EOGT: variants seen among roughly 807,000 people sequenced by gnomAD.
The protein encoded by EOGT is EGF domain specific O-linked N-acetylglucosamine transferase.
Under a neutral mutation model 70.5 loss-of-function variants are expected in EOGT, and 55 were observed. The observed-to-expected ratio is 0.78, with a 90% CI of 0.63 to 0.98. The LOEUF (loss-of-function observed/expected upper bound fraction) is 0.98, where lower values mean the gene tolerates loss of function less well. Among genes scored for constraint, EOGT ranks in the 50% least tolerant of loss-of-function variants. The probability of loss-of-function intolerance (pLI) is 0.00; values close to 1 mark genes in which losing one functional copy is unlikely to be tolerated. For missense variants in EOGT, 703 were observed against 641.9 expected (o/e 1.10, Z -1.03); for synonymous variants, 246 against 217.1 (o/e 1.13, Z -1.17).
At chr3:68,990,901 GA>G (rs10576244) in intron 10 of EOGT, among the ~76,000 whole-genome samples, 99,496 of 132,344 alleles carry the variant, frequency 0.75, 36,756 homozygotes, top group Admixed American at 0.82. Context: ...TGTTAGATGT[GA>G]AAAAAAAAAA....
At chr3:69,003,509 G>A (rs1328339992) in intron 8 of EOGT, among the ~76,000 whole-genome samples, 1 of 152,150 alleles carries the variant, frequency 6.6e-6, no homozygotes, top group African/African-American at 2.4e-5. Flanking sequence ...ACGTGCCTTT[G>A]TTCCTCCTTT....
intron 14 of EOGT, among the ~76,000 whole-genome samples, chr3:68,983,500 C>T (rs1044098249): frequency 4.6e-5 from 7 of 152,328 alleles, no homozygotes; most frequent in African/African-American, 1.7e-4. Flanking sequence ...AATTAGGCCA[C>T]GGGGGATCAC....
chr3:68,978,767 G>A (rs571199593), intron 16 of EOGT, among the ~76,000 whole-genome samples: 1 of 152,226 alleles, frequency 6.6e-6, no homozygotes, highest in African/African-American at 2.4e-5. Context: ...ACACTTCCAA[G>A]GTCATATAAC....
chr3:68,985,432 C>T (rs1412063682), intron 14 of EOGT, among the ~76,000 whole-genome samples: 2 of 152,070 alleles, frequency 1.3e-5, no homozygotes, highest in Admixed American at 1.3e-4. Flanking sequence ...AAATATTTTA[C>T]CCATCAAAAC....
chr3:68,994,567 G>A (rs555365958), intron 10 of EOGT, among the ~76,000 whole-genome samples: 13 of 152,212 alleles, frequency 8.5e-5, no homozygotes, highest in South Asian at 4.2e-4. Context: ...CAAGGCAGGC[G>A]GATCACCTAT....
intron 10 of EOGT, 116 bp downstream of exon 10, chr3:68,997,895 T>A: frequency 3.1e-6 from 2 of 652,030 alleles, no homozygotes; most frequent in Non-Finnish European, 5.4e-6. Flanking sequence ...CCGCATTATG[T>A]GCGGCTGTAC....
In EOGT at chr3:68,979,675, A is replaced by C; in HGVS notation, c.1327T>G (p.Phe443Val). The C allele has an allele frequency of 6.2e-7, 1 of 1,613,732 alleles. No individual in the cohort carries two copies. The highest frequency in any genetic ancestry group is 8.5e-7 in the Non-Finnish European group (1 of 1,179,776). ...LLFLPDWAAV[F>V]ELYNCEDERC... ...CTGCCTCCCAACACTTACAGTTCAA[A>C]TACAGCAGCCCAGTCTGGAAGGAAA... Residue 443 changes from phenylalanine to valine, a missense_variant, in exon 16 of 18, where the codon TTT becomes GTT. Coordinates refer to ENST00000383701, the MANE Select transcript of EOGT (RefSeq NM_001278689.2).
intron 10 of EOGT, among the ~76,000 whole-genome samples, chr3:68,996,959 T>G (rs2091167598): frequency 6.6e-6 from 1 of 152,162 alleles, no homozygotes; most frequent in Admixed American, 6.5e-5. Context: ...CCAGGCATGG[T>G]GACTGTTCAC....
rs190016174 is a variant in EOGT, at chr3:69,006,019, C to A, written c.421-785G>T. On this transcript the variant is annotated intron_variant, in intron 6 of 17. Transcript: ENST00000383701. ...CCAAATTCATATGTTGAAATTCTAA[C>A]CCCCAATGTGATGATATTGTTTAGA... 4.1e-3 allele frequency among the ~76,000 whole-genome samples: 620 copies of A among 152,260 alleles called. 6 individuals carry two copies. The highest frequency in any genetic ancestry group is 7.2e-3 in the Non-Finnish European group (491 of 68,020).
At chr3:69,009,921 C>A (rs1307509551) in intron 3 of EOGT, 61 bp from the exon 4 acceptor site, 89 of 568,410 alleles carry the variant, frequency 1.6e-4, no homozygotes, top group Admixed American at 5.9e-4. Flanking sequence ...AAAACAACAA[C>A]AACAACAACA....
intron 14 of EOGT, among the ~76,000 whole-genome samples, chr3:68,984,051 A>T (rs1021936630): frequency 6.6e-6 from 1 of 152,248 alleles, no homozygotes; most frequent in African/African-American, 2.4e-5. Flanking sequence ...GGCTCAGAGA[A>T]GTGAAATAAC....
chr3:68,977,483 A>G lies in EOGT; in HGVS notation c.*135T>C, dbSNP rs1047623746. On this transcript the variant is annotated 3_prime_UTR_variant, in exon 18 of 18. Coordinates refer to ENST00000383701, the MANE Select transcript of EOGT (RefSeq NM_001278689.2). ...CTTAACATCTATACAACACATAACA[A>G]TATCCTGAAGGTATGTTTTGGCATA... 1 of 863,784 alleles carries G rather than the reference A, an allele frequency of 1.2e-6. No individual in the cohort carries two copies. The highest frequency in any genetic ancestry group is 1.8e-6 in the Non-Finnish European group (1 of 549,752). 53.5% of individuals were successfully genotyped at this position (863,784 alleles called of 1,614,324 possible).
At chr3:69,001,048 C>T (rs1249325257) in intron 9 of EOGT, among the ~76,000 whole-genome samples, 4 of 151,848 alleles carry the variant, frequency 2.6e-5, no homozygotes, top group African/African-American at 9.7e-5. Context: ...CCTCTGCCTC[C>T]TGGGTTCAAG....
intron 14 of EOGT, among the ~76,000 whole-genome samples, chr3:68,985,801 C>T (rs370021240): frequency 2.0e-5 from 3 of 152,184 alleles, no homozygotes; most frequent in African/African-American, 7.2e-5. Context: ...TAACAAACTG[C>T]CACAAATTTA....
chr3:68,983,543 T>C (rs1004746614), intron 14 of EOGT, among the ~76,000 whole-genome samples: 1 of 152,282 alleles, frequency 6.6e-6, no homozygotes, highest in Non-Finnish European at 1.5e-5. Context: ...CTGTGTCATG[T>C]TGCCTTGTGG....
Position 68,975,529 on chromosome 3 carries a change from G to C in EOGT, c.*2089C>G, listed in dbSNP as rs935913166. ...CTTAAAATGAGGTAAGAAGACAAAC[G>C]GTGAAACTTTTTTCAGATCATTTTT... On this transcript the variant is annotated 3_prime_UTR_variant, in exon 18 of 18. Coordinates refer to ENST00000383701, the MANE Select transcript of EOGT (RefSeq NM_001278689.2). The C allele has an allele frequency of 7.2e-4, 101 of 141,088 alleles. No homozygotes were observed. Among genetic ancestry groups the C allele is most frequent in the African/African-American group, 2.8e-3 (100 of 36,304 alleles). The allele number at this position is 141,088 out of a possible 1,614,324, so 8.7% of individuals were successfully genotyped here.
intron 15 of EOGT, among the ~76,000 whole-genome samples, chr3:68,981,289 T>C (rs1042613001): frequency 2.0e-5 from 3 of 152,220 alleles, no homozygotes; most frequent in African/African-American, 2.4e-5. Flanking sequence ...GGATTCCTAC[T>C]GCTGAGACTG....
chr3:69,006,532 A>G (rs2091443862), intron 6 of EOGT, among the ~76,000 whole-genome samples: 1 of 152,112 alleles, frequency 6.6e-6, no homozygotes, highest in South Asian at 2.1e-4. Context: ...AACTTCATCA[A>G]CCTTTAAAAA....
chr3:68,990,328 TCCAGTATAATTA>T (rs1161624361), intron 10 of EOGT, among the ~76,000 whole-genome samples: 1 of 150,244 alleles, frequency 6.7e-6, no homozygotes, highest in Non-Finnish European at 1.5e-5. Context: ...ATTAGTTCTT[TCCAGTATAATTA>T]CCACATGCTT....
Sources: gnomAD v4.1 joint callset for allele counts (sites outside exome capture counted in the v4.1 genomes callset) on GRCh38, gnomAD v4.1.1 for gene constraint, MANE v1.5 for transcripts, NCBI Gene and HGNC (gene_info 2026-07-23, HGNC 2026-07-21) for gene names.